The following DGLUCY variants were observed in gnomAD, a reference collection of about 807,000 sequenced individuals.
The protein encoded by DGLUCY is D-glutamate cyclase, also known as D-glutamate cyclase, mitochondrial.
DGLUCY carries 58 observed loss-of-function variants against 58.5 expected under a neutral mutation model. The ratio of observed to expected loss-of-function variants is 0.99; its 90% CI spans 0.80 to 1.23. The LOEUF is 1.23. Among genes scored for constraint, DGLUCY ranks in the 50% most tolerant of loss-of-function variants. DGLUCY has a pLI of 0.00. For synonymous variants in DGLUCY, 325 were observed against 314.1 expected (o/e 1.03, Z -0.37); for missense variants, 779 against 784.7 (o/e 0.99, Z 0.09).
In DGLUCY at chr14:91,181,260, G is replaced by A. The variant is rs779135989; in HGVS notation, c.805G>A (p.Gly269Ser). 1 of 1,614,020 alleles carries A rather than the reference G, an allele frequency of 6.2e-7. No individual in the cohort carries two copies. The highest frequency in any genetic ancestry group is 8.5e-7 in the Non-Finnish European group (1 of 1,180,040). Residue 269 changes from glycine (G) to serine (S), a missense_variant, in exon 8 of 14, where the codon GGT (glycine) becomes AGT (serine). Physicochemically the swap from Gly to Ser is moderately conservative, Grantham distance 56. Transcript: ENST00000256324. The part of the protein sequence containing the change: ...TDLKDAKAPP[G>S]CLTPERIPEV... ...CCTGAAGGATGCAAAGGCTCCACCT[G>A]GTTGTCTCACCCCAGAGAGAATTCC...
chr14:91,078,766 G>A (rs1026280899), intron 1 of DGLUCY, among the ~76,000 whole-genome samples: 3 of 152,072 alleles, frequency 2.0e-5, no homozygotes, highest in African/African-American at 7.2e-5. Flanking sequence ...AGGAAACTAA[G>A]AAAGAAATGG....
chr14:91,100,836 C>T (rs1012545652), intron 1 of DGLUCY, among the ~76,000 whole-genome samples: 3 of 152,090 alleles, frequency 2.0e-5, no homozygotes, highest in African/African-American at 4.8e-5. Flanking sequence ...TTTGGGAAGC[C>T]GAGGCAGGTG....
At chr14:91,108,988 G>T (rs932078414) in intron 1 of DGLUCY, among the ~76,000 whole-genome samples, 1 of 152,030 alleles carries the variant, frequency 6.6e-6, no homozygotes, top group Non-Finnish European at 1.5e-5. Flanking sequence ...ATAGGAACAG[G>T]GGGTATGGGA....
intron 1 of DGLUCY, among the ~76,000 whole-genome samples, chr14:91,073,952 C>G (rs959551902): frequency 2.6e-5 from 4 of 151,612 alleles, no homozygotes; most frequent in Admixed American, 2.0e-4. Context: ...AAACCCCCAT[C>G]TCTACAAAAA....
At chr14:91,192,505 C>CA (rs776898142) in intron 9 of DGLUCY, among the ~76,000 whole-genome samples, 55 of 152,290 alleles carry the variant, frequency 3.6e-4, no homozygotes, top group Non-Finnish European at 7.1e-4. Context: ...CACAGTGACT[C>CA]ACGCCTGTAA....
At chr14:91,188,669 TG>T (rs1451198400) in intron 8 of DGLUCY, among the ~76,000 whole-genome samples, 2 of 151,824 alleles carry the variant, frequency 1.3e-5, no homozygotes, top group African/African-American at 2.4e-5. Context: ...TTTTAAAAAA[TG>T]CCAAAAAAAA....
chr14:91,180,754 G>A (rs2140453069), intron 7 of DGLUCY, among the ~76,000 whole-genome samples: 1 of 152,176 alleles, frequency 6.6e-6, no homozygotes, highest in East Asian at 1.9e-4. Flanking sequence ...GTGCCATAAG[G>A]AAAAATAGAA....
chr14:91,224,920 C>A lies in DGLUCY; in HGVS notation c.*87C>A. ...GCAGCTGCTTCTGGCGACAATCCTG[C>A]TAGTAAACACTGGTCTTCGGTGAGC... On this transcript the variant is annotated 3_prime_UTR_variant, in exon 14 of 14. Coordinates refer to ENST00000256324, the MANE Select transcript of DGLUCY (RefSeq NM_001102368.3). The A allele has an allele frequency of 1.4e-6, 2 of 1,390,744 alleles. No individual in the cohort carries two copies. The highest frequency in any genetic ancestry group is 1.9e-6 in the Non-Finnish European group (2 of 1,041,916). 86.2% of individuals were successfully genotyped at this position (1,390,744 alleles called of 1,614,324 possible).
At chr14:91,093,387 C>T (rs2044344959) in intron 1 of DGLUCY, among the ~76,000 whole-genome samples, 2 of 152,086 alleles carry the variant, frequency 1.3e-5, no homozygotes, top group African/African-American at 2.4e-5. Context: ...CAAAACAGCA[C>T]CAGCAGAGAA....
chr14:91,181,193 A>G lies in DGLUCY; in HGVS notation c.738A>G (p.Pro246=), dbSNP rs542095178. 2 of 1,614,072 alleles carry G rather than the reference A, an allele frequency of 1.2e-6. No homozygotes were observed. Among genetic ancestry groups the G allele is most frequent in the African/African-American group, 1.3e-5 (1 of 75,028 alleles). The change falls in exon 8 of 14, where the codon CCA becomes CCG. Residue 246 remains proline, a synonymous_variant. Coordinates refer to ENST00000256324, the MANE Select transcript of DGLUCY (RefSeq NM_001102368.3). ...TCCTGCTGTGTGTTTTAGAGACCCC[A>G]CTGGCTTTTGCCAGCATCCCAGGCT... ...SLGAVSSCET[P]LAFASIPGCT...
At chr14:91,070,636 A>G (rs1424169827) in intron 1 of DGLUCY, among the ~76,000 whole-genome samples, 1 of 152,256 alleles carries the variant, frequency 6.6e-6, no homozygotes, top group Admixed American at 6.5e-5. Context: ...CAGGAAAGCC[A>G]CTTTGGAATC....
In DGLUCY at chr14:91,170,472, C is replaced by G. The variant is rs566032061; in HGVS notation, c.456+271C>G. ...TAAACCAAACCTGCTTGGGATTTCTCTGGCTCCTTTAACTTCAGGCACCTC... is the reference window on the plus strand; with the variant it reads ...TAAACCAAACCTGCTTGGGATTTCTGTGGCTCCTTTAACTTCAGGCACCTC... On this transcript the variant is annotated intron_variant, in intron 5 of 13. Transcript: ENST00000256324. Among the ~76,000 whole-genome samples, 3 of 152,326 alleles carry G rather than the reference C, an allele frequency of 2.0e-5. No individual in the cohort carries two copies. The East Asian group carries it at 5.8e-4, about 29-fold the overall frequency.
chr14:91,181,362 C>G lies in DGLUCY; in HGVS notation c.907C>G (p.Leu303Val). Residue 303 changes from leucine (L) to valine (V), a missense_variant, in exon 8 of 14, where the codon CTA becomes GTA. Transcript: ENST00000256324. ...CTCTGCTTCTCAGAAGATCAGAGAA[C>G]TAGAGTCTATGATCGGCATAGACCC... ...SVSASQKIRE[L>V]ESMIGIDPGN... 2 of 1,613,918 alleles carry G rather than the reference C, an allele frequency of 1.2e-6. No individual in the cohort carries two copies. The highest frequency in any genetic ancestry group is 1.7e-6 in the Non-Finnish European group (2 of 1,180,010).
intron 1 of DGLUCY, among the ~76,000 whole-genome samples, chr14:91,067,053 C>G (rs2043834205): frequency 1.4e-5 from 2 of 139,500 alleles, no homozygotes; most frequent in Admixed American, 1.6e-4. Context: ...TGCACTCCAG[C>G]CTGGGTGACA....
intron 13 of DGLUCY, among the ~76,000 whole-genome samples, chr14:91,219,649 G>T (rs981506054): frequency 2.0e-5 from 3 of 152,252 alleles, no homozygotes; most frequent in African/African-American, 7.2e-5. Context: ...AGATAAGGTG[G>T]ACATCACTAC....
intron 1 of DGLUCY, among the ~76,000 whole-genome samples, chr14:91,092,765 G>A (rs148870133): frequency 3.6e-4 from 55 of 152,194 alleles, no homozygotes; most frequent in African/African-American, 1.2e-3. Context: ...ATCTCTCTGC[G>A]GCTATCCAAC....
At chr14:91,198,209 A>G (rs922962083) in intron 10 of DGLUCY, among the ~76,000 whole-genome samples, 35 of 151,556 alleles carry the variant, frequency 2.3e-4, no homozygotes, top group East Asian at 1.2e-3. Context: ...TACCTGGCTA[A>G]TTTTTTATAT....
At chr14:91,148,544 A>G (rs1048765279) in intron 1 of DGLUCY, 26 of 152,148 alleles carry the variant, frequency 1.7e-4, no homozygotes, top group African/African-American at 5.3e-4. Flanking sequence ...AAAACTCAAT[A>G]ACATCATTAA....
chr14:91,152,895 G>A (rs371515010), intron 1 of DGLUCY, among the ~76,000 whole-genome samples: 3 of 152,166 alleles, frequency 2.0e-5, no homozygotes, highest in Admixed American at 6.6e-5. Context: ...TGCATCCTTC[G>A]TGGTTCTAAA....
Sources: allele counts gnomAD v4.1 joint callset (sites outside exome capture counted in the v4.1 genomes callset), GRCh38; gene constraint gnomAD v4.1.1; transcripts MANE v1.5; gene names NCBI Gene and HGNC (gene_info 2026-07-23, HGNC 2026-07-21).